The following ACSM3 variants were observed in gnomAD, a reference collection of about 807,000 sequenced individuals.
The protein encoded by ACSM3 is acyl-CoA synthetase medium chain family member 3.
A neutral mutation model predicts 74.1 loss-of-function variants in ACSM3; 61 were observed. The ratio of observed to expected loss-of-function variants is 0.82; its 90% CI spans 0.67 to 1.02. The LOEUF is 1.02. ACSM3 is among the 50% of genes least tolerant of loss of function. ACSM3 has a pLI of 0.00. For missense variants in ACSM3, 660 were observed against 697.0 expected, an observed-to-expected ratio of 0.95 and a Z score of 0.60; for synonymous variants, 213 against 241.5, an observed-to-expected ratio of 0.88 and a Z score of 1.09.
chr16:20,749,247 C>T (rs1159566640), intron 1 of ACSM3: 1 of 151,816 alleles, frequency 6.6e-6, no homozygotes, highest in African/African-American at 2.4e-5. Context: ...ACTGTTTTTC[C>T]ACATTTCCCA....
chr16:20,724,932 A>G (rs1193018582), intron 1 of ACSM3, among the ~76,000 whole-genome samples: 1 of 152,200 alleles, frequency 6.6e-6, no homozygotes, highest in Non-Finnish European at 1.5e-5. Context: ...GGAAGAAACA[A>G]TATCGTGAAA....
chr16:20,744,448 A>G (rs1362579698), intron 1 of ACSM3, among the ~76,000 whole-genome samples: 1 of 152,192 alleles, frequency 6.6e-6, no homozygotes, highest in African/African-American at 2.4e-5. Flanking sequence ...GCACTGGTGC[A>G]GTCTCGGCTC....
At chr16:20,683,661 T>TG (rs36139670) in intron 1 of ACSM3, among the ~76,000 whole-genome samples, 2 of 137,390 alleles carry the variant, frequency 1.5e-5, no homozygotes, top group East Asian at 4.1e-4. Flanking sequence ...TTTTTTTTTT[T>TG]GAGAGTCTTG....
At chr16:20,729,237 C>A in intron 1 of ACSM3, 1 of 942,840 alleles carries the variant, frequency 1.1e-6, no homozygotes, top group Admixed American at 1.8e-5. Context: ...TAGGACAGTC[C>A]AGAGAAAACT....
At chr16:20,732,832 T>C (rs11641333) in intron 1 of ACSM3, 19,895 of 153,910 alleles carry the variant, frequency 0.13, 1,360 homozygotes, top group East Asian at 0.21. Flanking sequence ...CAGAGTTTCA[T>C]GCAAGCTCTC....
rs765378823 is a variant in ACSM3 at position 20,770,259 on chromosome 16, G to A, written c.219+6G>A. On this transcript the variant is annotated splice_donor_region_variant and intron_variant, in intron 2 of 13. Transcript: ENST00000289416. Reference sequence around the variant, plus strand: ...AATGGACTGATAAGGAAAAGGTATGGGGGGAGGGCCAGTCAGACCACAATT... The same window carrying A: ...AATGGACTGATAAGGAAAAGGTATGAGGGGAGGGCCAGTCAGACCACAATT... The A allele has an allele frequency of 5.0e-6, 8 of 1,611,848 alleles. No individual in the cohort carries two copies. The highest frequency in any genetic ancestry group is 1.3e-5 in the African/African-American group (1 of 74,990).
chr16:20,693,972 G>A (rs937423576), intron 1 of ACSM3, among the ~76,000 whole-genome samples: 5 of 152,194 alleles, frequency 3.3e-5, no homozygotes, highest in African/African-American at 1.2e-4. Context: ...TCTGCTAACC[G>A]TAATAAAGAA....
chr16:20,743,042 C>G (rs901378296), intron 1 of ACSM3, among the ~76,000 whole-genome samples: 1 of 151,028 alleles, frequency 6.6e-6, no homozygotes, highest in Non-Finnish European at 1.5e-5. Context: ...CCAGGTTCAC[C>G]CCATTCTCCT....
At chr16:20,705,217 A>C (rs1355635394) in intron 1 of ACSM3, among the ~76,000 whole-genome samples, 1 of 152,160 alleles carries the variant, frequency 6.6e-6, no homozygotes, top group South Asian at 2.1e-4. Flanking sequence ...CTGAAAATAC[A>C]AACAAATTAG....
intron 1 of ACSM3, among the ~76,000 whole-genome samples, chr16:20,766,019 A>G (rs544435454): frequency 6.7e-4 from 102 of 152,322 alleles, no homozygotes; most frequent in African/African-American, 2.4e-3. Context: ...TATGTCTGAA[A>G]TAATTCATGG....
chr16:20,741,640 C>A, intron 1 of ACSM3: 1 of 1,581,988 alleles, frequency 6.3e-7, no homozygotes, highest in Non-Finnish European at 8.6e-7. Context: ...CGGGGCCCGC[C>A]AGCGTCGCAG....
chr16:20,768,344 A>G (rs567212324), intron 1 of ACSM3, among the ~76,000 whole-genome samples: 4 of 152,344 alleles, frequency 2.6e-5, no homozygotes, highest in African/African-American at 9.6e-5. Context: ...CCATCATGCC[A>G]TAGACTGGTG....
At chr16:20,740,833 T>TTAG (rs1179457655) in intron 1 of ACSM3, among the ~76,000 whole-genome samples, 5 of 152,232 alleles carry the variant, frequency 3.3e-5, no homozygotes, top group Admixed American at 1.3e-4. Context: ...GTAACTAGCA[T>TTAG]TAGTAGTAAA....
At chr16:20,775,320 TTATACTATACTAG>T (rs1427673743) in intron 2 of ACSM3, among the ~76,000 whole-genome samples, 1 of 152,142 alleles carries the variant, frequency 6.6e-6, no homozygotes. Flanking sequence ...TGGAACAATG[TTATACTATACTAG>T]TATACTATAC....
intron 1 of ACSM3, among the ~76,000 whole-genome samples, chr16:20,683,361 C>T (rs1300766479): frequency 6.6e-6 from 1 of 152,018 alleles, no homozygotes; most frequent in Admixed American, 6.6e-5. Context: ...CTTCTGACCA[C>T]AAGTGATCTG....
intron 1 of ACSM3, among the ~76,000 whole-genome samples, chr16:20,701,165 C>G (rs2079711733): frequency 6.6e-6 from 1 of 152,096 alleles, no homozygotes; most frequent in South Asian, 2.1e-4. Context: ...CATACAAAGT[C>G]ACGGAGGCTA....
Position 20,770,176 on chromosome 16 carries a change from CAG to C in ACSM3, c.143_144del (p.Gln48ArgfsTer14). The C allele has an allele frequency of 6.2e-7, 1 of 1,614,166 alleles. No homozygotes were observed. On this transcript the variant is annotated frameshift_variant, in exon 2 of 14. Coordinates refer to ENST00000289416, the MANE Select transcript of ACSM3 (RefSeq NM_005622.4). LOFTEE classifies it high-confidence loss of function. ...QNFSNYESMKQDFKLGIPEYF... is the reference protein window; with the variant it reads ...QNFSNYESMKXDFKLGIPEYF... ...TTTCTCCAACTATGAATCCATGAAA[CAG>C]GACTTCAAACTGGGGATTCCAGAGT...
chr16:20,765,753 CTGTT>C (rs2080119046), intron 1 of ACSM3, among the ~76,000 whole-genome samples: 1 of 152,128 alleles, frequency 6.6e-6, no homozygotes, highest in Non-Finnish European at 1.5e-5. Context: ...ATATGTGTGT[CTGTT>C]TGTGTATACT....
At chr16:20,731,582 T>C (rs1247522200) in intron 1 of ACSM3, 1 of 272,172 alleles carries the variant, frequency 3.7e-6, no homozygotes, top group East Asian at 9.2e-5. Flanking sequence ...ATCCTTGATG[T>C]GTCTGAAAAA....
Sources: allele counts gnomAD v4.1 joint callset (sites outside exome capture counted in the v4.1 genomes callset), GRCh38; gene constraint gnomAD v4.1.1; transcripts MANE v1.5; gene names NCBI Gene and HGNC (gene_info 2026-07-23, HGNC 2026-07-21).